SH3RF3: variants seen among roughly 807,000 people sequenced by gnomAD.
SH3RF3 encodes the protein SH3 domain containing ring finger 3, also known as E3 ubiquitin-protein ligase SH3RF3.
A neutral mutation model predicts 66.3 loss-of-function variants in SH3RF3; 29 were observed. That is an observed-to-expected ratio of 0.44 (90% CI 0.33 to 0.60). The LOEUF (loss-of-function observed/expected upper bound fraction) is 0.60, where lower values mean the gene tolerates loss of function less well. SH3RF3 is among the 20% of genes least tolerant of loss of function. The pLI, the probability that SH3RF3 is intolerant of heterozygous loss-of-function variation, is 0.04. For synonymous variants in SH3RF3, 583 were observed against 532.0 expected (o/e 1.10, Z -1.32); for missense variants, 1,194 against 1,190.9 (o/e 1.00, Z -0.04).
chr2:109,410,332 G>A (rs1049711777), intron 4 of SH3RF3, among the ~76,000 whole-genome samples: 5 of 152,246 alleles, frequency 3.3e-5, no homozygotes, highest in Admixed American at 6.5e-5. Context: ...GACAGGGAGA[G>A]AGATGCAGGA....
Position 109,238,024 on chromosome 2 carries a change from G to T in SH3RF3, c.573+107911G>T, listed in dbSNP as rs57038644. Among the ~76,000 whole-genome samples, 4 of 151,994 alleles carry T rather than the reference G, an allele frequency of 2.6e-5. No individual in the cohort carries two copies. In the South Asian group the frequency reaches 8.3e-4, roughly 31 times the overall value. ...AGTTCAAAATCAGCCTGGGAAACAT[G>T]ATGAGGCCCCATCTCTACAAAATAT... On this transcript the variant is annotated intron_variant, in intron 1 of 9. Transcript: ENST00000309415.
intron 1 of SH3RF3, among the ~76,000 whole-genome samples, chr2:109,340,207 T>C (rs2105524535): frequency 6.6e-6 from 1 of 152,244 alleles, no homozygotes; most frequent in Middle Eastern, 3.4e-3. Flanking sequence ...CTCTCGGACC[T>C]TGGACAAGTT....
intron 1 of SH3RF3, among the ~76,000 whole-genome samples, chr2:109,272,115 G>A (rs138390776): frequency 6.6e-6 from 1 of 152,268 alleles, no homozygotes; most frequent in Non-Finnish European, 1.5e-5. Context: ...TCTGCCTCTG[G>A]CCAGCTGTCG....
intron 1 of SH3RF3, among the ~76,000 whole-genome samples, chr2:109,140,902 T>C (rs1312208423): frequency 6.6e-6 from 1 of 152,204 alleles, no homozygotes; most frequent in Non-Finnish European, 1.5e-5. Flanking sequence ...CTATCACTGC[T>C]GTAAACAACT....
chr2:109,338,922 A>AGAGT (rs1559031391), intron 1 of SH3RF3, among the ~76,000 whole-genome samples: 3 of 107,026 alleles, frequency 2.8e-5, no homozygotes, highest in African/African-American at 1.4e-4. Context: ...GATAACACAA[A>AGAGT]CAGTTGATCA....
intron 8 of SH3RF3, among the ~76,000 whole-genome samples, chr2:109,484,898 C>G (rs946922180): frequency 6.6e-6 from 1 of 152,198 alleles, no homozygotes; most frequent in Non-Finnish European, 1.5e-5. Context: ...ACAACTATCT[C>G]CCCAGTCTCA....
At chr2:109,500,855 T>C (rs1573301347) in intron 9 of SH3RF3, among the ~76,000 whole-genome samples, 1 of 151,964 alleles carries the variant, frequency 6.6e-6, no homozygotes, top group Non-Finnish European at 1.5e-5. Flanking sequence ...GAGGCTGAGG[T>C]GGGAGGCTTA....
chr2:109,273,815 C>G (rs928487990), intron 1 of SH3RF3, among the ~76,000 whole-genome samples: 5 of 152,084 alleles, frequency 3.3e-5, no homozygotes, highest in African/African-American at 1.2e-4. Flanking sequence ...TGCTTGAGAC[C>G]AGGCTCAGCA....
rs764672759 is a variant in SH3RF3, at chr2:109,129,451, C to T, written c.-90C>T. ...AAGAAAGTCACGGCGGAGCCCGGCT[C>T]CCCAGTCCTGATGCTGGCTGCCGGT... On this transcript the variant is annotated 5_prime_UTR_variant, in exon 1 of 10. Transcript: ENST00000309415. The T allele has an allele frequency of 2.0e-6, 3 of 1,493,546 alleles. No homozygotes were observed. Among genetic ancestry groups the T allele is most frequent in the African/African-American group, 1.5e-5 (1 of 68,910 alleles). The allele number at this position is 1,493,546 out of a possible 1,614,324, so 92.5% of individuals were successfully genotyped here.
At chr2:109,499,403 G>T (rs1273317499) in intron 9 of SH3RF3, among the ~76,000 whole-genome samples, 3 of 152,374 alleles carry the variant, frequency 2.0e-5, no homozygotes, top group Admixed American at 2.0e-4. Context: ...CCACATGTGG[G>T]ATCTGGGCTT....
chr2:109,476,740 A>G (rs1048771495), intron 8 of SH3RF3, among the ~76,000 whole-genome samples: 2 of 152,188 alleles, frequency 1.3e-5, no homozygotes, highest in African/African-American at 4.8e-5. Flanking sequence ...GAATACAAGA[A>G]TAGCTGTTCC....
At chr2:109,152,948 A>G (rs576613492) in intron 1 of SH3RF3, among the ~76,000 whole-genome samples, 2 of 152,328 alleles carry the variant, frequency 1.3e-5, no homozygotes, top group South Asian at 4.1e-4. Flanking sequence ...CTTCTGGGAA[A>G]GGCAGTACTT....
At chr2:109,230,163 G>A (rs775949532) in intron 1 of SH3RF3, among the ~76,000 whole-genome samples, 12 of 151,826 alleles carry the variant, frequency 7.9e-5, no homozygotes, top group East Asian at 5.8e-4. Flanking sequence ...ATATTCCGTC[G>A]TATGGATATA....
At chr2:109,446,672 C>T (rs1001859668) in intron 7 of SH3RF3, among the ~76,000 whole-genome samples, 3 of 152,160 alleles carry the variant, frequency 2.0e-5, no homozygotes, top group Non-Finnish European at 2.9e-5. Context: ...CTGAGGTGAC[C>T]AGGAGCCAGT....
At chr2:109,377,805 A>G (rs1312518933) in intron 3 of SH3RF3, among the ~76,000 whole-genome samples, 5 of 152,154 alleles carry the variant, frequency 3.3e-5, no homozygotes, top group African/African-American at 1.2e-4. Context: ...CTGCTCCTGT[A>G]GCACCGGTGC....
chr2:109,163,885 G>A (rs1013153597), intron 1 of SH3RF3, among the ~76,000 whole-genome samples: 4 of 152,164 alleles, frequency 2.6e-5, no homozygotes, highest in Non-Finnish European at 4.4e-5. Context: ...GACCAAGTAT[G>A]AATGAAAGAA....
chr2:109,160,842 A>T (rs1241596789), intron 1 of SH3RF3, among the ~76,000 whole-genome samples: 1 of 152,166 alleles, frequency 6.6e-6, no homozygotes, highest in Non-Finnish European at 1.5e-5. Context: ...TCCAGCTGTA[A>T]TGGACAGGGC....
intron 1 of SH3RF3, among the ~76,000 whole-genome samples, chr2:109,203,288 A>G (rs1678728245): frequency 6.6e-6 from 1 of 152,238 alleles, no homozygotes; most frequent in African/African-American, 2.4e-5. Context: ...TTAAGAGGCT[A>G]CAGGTGGCTC....
intron 7 of SH3RF3, among the ~76,000 whole-genome samples, chr2:109,445,318 C>CCTG (rs1677675143): frequency 1.3e-5 from 2 of 152,282 alleles, no homozygotes; most frequent in South Asian, 4.1e-4. Flanking sequence ...CTCAAGTCCT[C>CCTG]ACACAGAAAG....
Sources: allele counts gnomAD v4.1 joint callset (sites outside exome capture counted in the v4.1 genomes callset), GRCh38; gene constraint gnomAD v4.1.1; transcripts MANE v1.5; gene names NCBI Gene and HGNC (gene_info 2026-07-23, HGNC 2026-07-21).